The following MACF1 variants were observed in gnomAD, a reference collection of about 807,000 sequenced individuals.
MACF1 encodes microtubule-actin cross-linking factor 1.
In MACF1, 193 loss-of-function variants were observed where a neutral mutation model predicts 854.8. The observed-to-expected ratio is 0.23, with a 90% CI of 0.20 to 0.25. MACF1 has a LOEUF of 0.25. Ranked by LOEUF, MACF1 falls within the 10% of genes least tolerant of loss-of-function variation. The pLI, the probability that MACF1 is intolerant of heterozygous loss-of-function variation, is 1.00. For missense variants in MACF1, 7,722 were observed against 8,929.1 expected (o/e 0.86, Z 5.45); for synonymous variants, 3,185 against 3,226.7 (o/e 0.99, Z 0.44).
intron 66 of MACF1, 78 bp from the exon 67 acceptor site, chr1:39,432,457 G>A: frequency 1.5e-6 from 2 of 1,360,970 alleles, no homozygotes; most frequent in Non-Finnish European, 2.1e-6. Context: ...TCCAGGCCTT[G>A]CTTTGTTGAA....
At chr1:39,282,550 T>C (rs1007965711) in intron 7 of MACF1, among the ~76,000 whole-genome samples, 176 bp downstream of exon 7, 1 of 152,344 alleles carries the variant, frequency 6.6e-6, no homozygotes, top group Middle Eastern at 3.4e-3. Flanking sequence ...CAAGTAGCAG[T>C]GAAGAAAACA....
intron 2 of MACF1, among the ~76,000 whole-genome samples, chr1:39,194,351 C>CTTTTTTTTTTT (rs749853544): frequency 1.4e-4 from 5 of 35,542 alleles, no homozygotes; most frequent in Non-Finnish European, 2.1e-4. Flanking sequence ...CTTTTCTTTT[C>CTTTTTTTTTTT]TTTTTTTTTT....
chr1:39,332,680 T>G lies in MACF1; in HGVS notation c.6092T>G (p.Phe2031Cys). Residue 2031 changes from phenylalanine to cysteine, a missense_variant, in exon 37 of 101, where the codon TTC (phenylalanine) becomes TGC (cysteine). This residue lies in a region of MACF1 where 1,531 missense variants were observed against 1,601.6 expected (regional missense o/e 0.96). Coordinates refer to ENST00000564288, the MANE Select transcript of MACF1 (RefSeq NM_001394062.1). ...ESANVKISGTFSSGWTVRLPE... is the reference protein window; with the variant it reads ...ESANVKISGTCSSGWTVRLPE... The stretch of plus-strand genomic sequence containing the variant: ...GCTAATGTGAAAATCTCAGGAACTT[T>G]CAGCAGTGGGTGGACTGTGAGGCTG... The G allele has an allele frequency of 6.2e-7, 1 of 1,614,122 alleles. No homozygotes were observed. The highest frequency in any genetic ancestry group is 8.5e-7 in the Non-Finnish European group (1 of 1,180,002).
At chr1:39,177,999 G>A (rs1278864442) in intron 2 of MACF1, among the ~76,000 whole-genome samples, 1 of 151,860 alleles carries the variant, frequency 6.6e-6, no homozygotes. Flanking sequence ...CACCGAGAGG[G>A]GGATTTCCGC....
In MACF1 at chr1:39,355,921, A is replaced by G. The variant is rs77295960; in HGVS notation, c.11425-1454A>G. 6.6e-3 allele frequency among the ~76,000 whole-genome samples: 1,010 copies of G among 152,252 alleles called. 25 individuals carry two copies. In the Middle Eastern group the frequency reaches 0.068, roughly 10 times the overall value. On this transcript the variant is annotated intron_variant, in intron 44 of 100. Coordinates refer to ENST00000564288, the MANE Select transcript of MACF1 (RefSeq NM_001394062.1). ...TATGTTGTTGCTCAGGCTGGTCTCA[A>G]AAACCTAGCTTCAGTGATACTCCTG... is the stretch of plus-strand genomic sequence containing the variant.
At chr1:39,269,845 T>A in intron 6 of MACF1, 4 of 693,250 alleles carry the variant, frequency 5.8e-6, no homozygotes, top group Non-Finnish European at 8.2e-6. Flanking sequence ...CCATGTGGGT[T>A]AGTATCTGCT....
intron 2 of MACF1, among the ~76,000 whole-genome samples, chr1:39,137,722 G>A (rs1303632787): frequency 3.3e-5 from 5 of 152,074 alleles, no homozygotes; most frequent in Admixed American, 2.6e-4. Context: ...AGTAAGGATT[G>A]CTCAATTAAA....
intron 6 of MACF1, 26 bp downstream of exon 6, chr1:39,258,054 C>G (rs1450706021): frequency 1.9e-6 from 3 of 1,587,986 alleles, no homozygotes; most frequent in African/African-American, 1.3e-5. Context: ...TTTGGAATTC[C>G]TGTTGCTTTG....
chr1:39,292,085 C>A lies in MACF1; in HGVS notation c.1914+47C>A, dbSNP rs781670251. Reference sequence around the variant, plus strand: ...CATTACAGGAGGGACGTGGTTGGAACGGATGAAAGGACAGTACACACAATA... The same window carrying A: ...CATTACAGGAGGGACGTGGTTGGAAAGGATGAAAGGACAGTACACACAATA... On this transcript the variant is annotated intron_variant, in intron 16 of 100. Transcript: ENST00000564288. The A allele has an allele frequency of 3.1e-6, 5 of 1,605,142 alleles. No individual in the cohort carries two copies. The African/African-American group carries it at 6.7e-5, about 22-fold the overall frequency.
At chr1:39,408,976 C>T (rs1044558536) in intron 58 of MACF1, among the ~76,000 whole-genome samples, 6 of 151,102 alleles carry the variant, frequency 4.0e-5, no homozygotes, top group African/African-American at 1.5e-4. Flanking sequence ...TTCCTGTGCT[C>T]TCCGCGTCGC....
In MACF1 at chr1:39,186,287, T is replaced by G. The variant is rs12074874; in HGVS notation, c.221-44895T>G. On this transcript the variant is annotated intron_variant, in intron 2 of 93. Transcript: ENST00000361689. ...AAATGACTTTTTTTTTTTTTTAATT[T>G]GAGACAGAGTCTCACTCTGTCACCA... 3.5e-3 allele frequency among the ~76,000 whole-genome samples: 529 copies of G among 150,060 alleles called. 3 individuals carry two copies. The highest frequency in any genetic ancestry group is 0.013 in the African/African-American group (511 of 40,732).
At chr1:39,176,810 AAC>A (rs1644035879) in intron 2 of MACF1, among the ~76,000 whole-genome samples, 2 of 152,328 alleles carry the variant, frequency 1.3e-5, no homozygotes, top group South Asian at 4.1e-4. Context: ...GACAAGCTTA[AAC>A]CATGACCCAG....
chr1:39,151,474 T>G (rs1297299346), intron 2 of MACF1, among the ~76,000 whole-genome samples: 1 of 152,224 alleles, frequency 6.6e-6, no homozygotes, highest in East Asian at 1.9e-4. Context: ...TTCTTTAGCA[T>G]GGCATGCAAA....
At chr1:39,337,926 C>A (rs532020583) in intron 38 of MACF1, among the ~76,000 whole-genome samples, 1 of 152,036 alleles carries the variant, frequency 6.6e-6, no homozygotes, top group East Asian at 1.9e-4. Context: ...CCTGCCGCCA[C>A]GCCCAGCTAA....
At chr1:39,213,952 T>C (rs1403199160) in intron 1 of MACF1, among the ~76,000 whole-genome samples, 1 of 152,024 alleles carries the variant, frequency 6.6e-6, no homozygotes, top group Admixed American at 6.6e-5. Flanking sequence ...CACTTGGGAG[T>C]GAAGTTGTCA....
chr1:39,267,185 A>G (rs1390825240), intron 6 of MACF1, among the ~76,000 whole-genome samples: 2 of 152,216 alleles, frequency 1.3e-5, no homozygotes, highest in African/African-American at 4.8e-5. Flanking sequence ...TTTGTCACTT[A>G]CTAGCTGTGT....
chr1:39,274,098 A>G (rs758427158), intron 6 of MACF1, among the ~76,000 whole-genome samples: 7 of 152,144 alleles, frequency 4.6e-5, no homozygotes, highest in Non-Finnish European at 8.8e-5. Flanking sequence ...AAGATTAGCT[A>G]TGAGTTGATA....
chr1:39,165,591 A>G (rs1359222238), intron 2 of MACF1, among the ~76,000 whole-genome samples: 1 of 152,190 alleles, frequency 6.6e-6, no homozygotes, highest in Non-Finnish European at 1.5e-5. Flanking sequence ...AGCATACAAT[A>G]CCATTTTCCC....
Position 39,448,164 on chromosome 1 carries a change from A to C in MACF1, c.20088+12A>C. 1 of 1,610,748 alleles carries C rather than the reference A, an allele frequency of 6.2e-7. No homozygotes were observed. The highest frequency in any genetic ancestry group is 8.5e-7 in the Non-Finnish European group (1 of 1,178,674). ...TTTCTAAGCATAAGGTAAAGCAGTT[A>C]ATTGCTCTTAGGTCCCAAGCCATAG... On this transcript the variant is annotated intron_variant, in intron 83 of 100. Transcript: ENST00000564288.
Sources: allele counts gnomAD v4.1 joint callset (sites outside exome capture counted in the v4.1 genomes callset), GRCh38; gene constraint gnomAD v4.1.1; regional missense constraint gnomAD v4.1.1; transcripts MANE v1.5; gene names NCBI Gene and HGNC (gene_info 2026-07-23, HGNC 2026-07-21).